DOK5: variants seen among roughly 807,000 people sequenced by gnomAD.
The protein encoded by DOK5 is docking protein 5, also known as downstream of tyrosine kinase 5.
A neutral mutation model predicts 43.3 loss-of-function variants in DOK5; 27 were observed. The ratio of observed to expected loss-of-function variants is 0.62; its 90% CI spans 0.46 to 0.86. The LOEUF (loss-of-function observed/expected upper bound fraction) is 0.86, where lower values mean the gene tolerates loss of function less well. Among genes scored for constraint, DOK5 ranks in the 40% least tolerant of loss-of-function variants. The pLI is 0.00. For synonymous variants in DOK5, 146 were observed against 140.1 expected (o/e 1.04, Z -0.30); for missense variants, 373 against 392.9 (o/e 0.95, Z 0.43).
Position 54,568,643 on chromosome 20 carries a change from G to A in DOK5, c.174+13603G>A, listed in dbSNP as rs191219508. On this transcript the variant is annotated intron_variant, in intron 2 of 7. Transcript: ENST00000262593. The stretch of plus-strand genomic sequence containing the variant: ...CATGTTTTTTGTAACAAATATAAAT[G>A]TTTCTGGCTGGGCGCAGTGGCTCAC... Among the ~76,000 whole-genome samples the A allele has an allele frequency of 4.1e-3, 623 of 152,142 alleles. 2 individuals carry two copies. Among genetic ancestry groups the A allele is most frequent in the African/African-American group, 0.015 (607 of 41,508 alleles).
intron 1 of DOK5, among the ~76,000 whole-genome samples, chr20:54,553,036 G>T (rs1316012912): frequency 1.3e-5 from 2 of 152,210 alleles, no homozygotes; most frequent in African/African-American, 4.8e-5. Flanking sequence ...AAACTTTGTA[G>T]TACATAAAAT....
chr20:54,544,405 T>C (rs1242399144), intron 1 of DOK5, among the ~76,000 whole-genome samples: 3 of 152,188 alleles, frequency 2.0e-5, no homozygotes, highest in Non-Finnish European at 4.4e-5. Flanking sequence ...TTTGTAGTCT[T>C]CAAGCACCAA....
chr20:54,624,136 C>T (rs1014081335), intron 6 of DOK5, among the ~76,000 whole-genome samples: 8 of 152,148 alleles, frequency 5.3e-5, no homozygotes, highest in African/African-American at 1.2e-4. Flanking sequence ...TCCAGAAATA[C>T]GCACAGTCAG....
chr20:54,584,410 T>C (rs933511129), intron 2 of DOK5, among the ~76,000 whole-genome samples: 1 of 151,650 alleles, frequency 6.6e-6, no homozygotes, highest in Non-Finnish European at 1.5e-5. Flanking sequence ...TATTTTAAGA[T>C]GATAACAACT....
At chr20:54,625,811 G>A (rs1222086711) in intron 6 of DOK5, among the ~76,000 whole-genome samples, 2 of 152,170 alleles carry the variant, frequency 1.3e-5, no homozygotes, top group Non-Finnish European at 2.9e-5. Context: ...GCAGATTATA[G>A]GGAATCCCCA....
At chr20:54,505,819 G>A (rs1982785002) in intron 1 of DOK5, among the ~76,000 whole-genome samples, 1 of 152,144 alleles carries the variant, frequency 6.6e-6, no homozygotes, top group Admixed American at 6.5e-5. Context: ...CTTGAGGTGA[G>A]AGTGTGTGTC....
intron 1 of DOK5, among the ~76,000 whole-genome samples, chr20:54,527,531 A>G (rs1983621097): frequency 6.6e-6 from 1 of 152,312 alleles, no homozygotes; most frequent in South Asian, 2.1e-4. Flanking sequence ...AGTTCCCACT[A>G]TGAGGGAGGT....
At position 54,584,960 on chromosome 20, in the gene DOK5, A is replaced by G. The variant is rs79501795; in HGVS notation, c.175-3523A>G. Among the ~76,000 whole-genome samples the G allele has an allele frequency of 4.3e-3, 660 of 152,296 alleles. 4 individuals are homozygous for G. Among genetic ancestry groups the G allele is most frequent in the African/African-American group, 0.015 (634 of 41,548 alleles). On this transcript the variant is annotated intron_variant, in intron 2 of 7. Coordinates refer to ENST00000262593, the MANE Select transcript of DOK5 (RefSeq NM_018431.5). ...GTTTTCTCATTTGCAAAATAGAATGATAGTGGAAATAAATACATCTTTGAA... is the reference window on the plus strand; with the variant it reads ...GTTTTCTCATTTGCAAAATAGAATGGTAGTGGAAATAAATACATCTTTGAA...
At chr20:54,648,385 A>AAAAGAAAGTTTCTATGAT in intron 7 of DOK5, among the ~76,000 whole-genome samples, 1 of 152,312 alleles carries the variant, frequency 6.6e-6, no homozygotes, top group South Asian at 2.1e-4. Context: ...GGAACAGTGG[A>AAAAGAAAGTTTCTATGAT]AAAGAAAGTT....
chr20:54,508,909 C>T (rs1175704319), intron 1 of DOK5, among the ~76,000 whole-genome samples: 1 of 151,114 alleles, frequency 6.6e-6, no homozygotes, highest in African/African-American at 2.4e-5. Context: ...CAGAGTCTCG[C>T]TGTCTCACCC....
intron 6 of DOK5, among the ~76,000 whole-genome samples, chr20:54,612,530 T>C (rs117098312): frequency 1.1e-3 from 175 of 152,296 alleles, no homozygotes; most frequent in South Asian, 5.2e-3. Context: ...TGCCCTCTGC[T>C]ATGTGAGTGG....
chr20:54,539,115 G>A (rs1249399856), intron 1 of DOK5, among the ~76,000 whole-genome samples: 3 of 151,528 alleles, frequency 2.0e-5, no homozygotes, highest in East Asian at 3.9e-4. Context: ...AGGGTGAAAC[G>A]CTGTCTCTAC....
intron 1 of DOK5, among the ~76,000 whole-genome samples, chr20:54,514,009 T>C (rs777101525): frequency 6.6e-6 from 1 of 152,230 alleles, no homozygotes; most frequent in Non-Finnish European, 1.5e-5. Context: ...AGGGATTCAA[T>C]AGCTGCACCC....
chr20:54,501,732 A>T (rs2146678787), intron 1 of DOK5, among the ~76,000 whole-genome samples: 1 of 152,316 alleles, frequency 6.6e-6, no homozygotes, highest in South Asian at 2.1e-4. Flanking sequence ...TAACTCATTT[A>T]GGTATTTCAT....
At chr20:54,627,963 A>G (rs943056460) in intron 6 of DOK5, among the ~76,000 whole-genome samples, 2 of 152,212 alleles carry the variant, frequency 1.3e-5, no homozygotes, top group African/African-American at 4.8e-5. Context: ...TACAGAAATC[A>G]TAGCATGCAC....
At chr20:54,481,856 C>G (rs1055368826) in intron 1 of DOK5, among the ~76,000 whole-genome samples, 2 of 152,190 alleles carry the variant, frequency 1.3e-5, no homozygotes, top group African/African-American at 4.8e-5. Context: ...TATGGAGACT[C>G]TTACTACTCA....
chr20:54,521,526 G>C (rs1983395930), intron 1 of DOK5, among the ~76,000 whole-genome samples: 1 of 152,154 alleles, frequency 6.6e-6, no homozygotes, highest in Non-Finnish European at 1.5e-5. Context: ...TCAGGAACAG[G>C]CATAAAAGAA....
intron 1 of DOK5, among the ~76,000 whole-genome samples, chr20:54,491,093 G>T (rs907833140): frequency 1.3e-5 from 2 of 152,190 alleles, no homozygotes; most frequent in Admixed American, 1.3e-4. Flanking sequence ...TCTCCTTCAG[G>T]TATTCTCTGT....
At chr20:54,518,586 C>T (rs977559889) in intron 1 of DOK5, among the ~76,000 whole-genome samples, 1 of 152,168 alleles carries the variant, frequency 6.6e-6, no homozygotes, top group African/African-American at 2.4e-5. Flanking sequence ...AATAAACATA[C>T]ATGTGCATGT....
Sources: gnomAD v4.1 joint callset for allele counts (sites outside exome capture counted in the v4.1 genomes callset) on GRCh38, gnomAD v4.1.1 for gene constraint, MANE v1.5 for transcripts, NCBI Gene and HGNC (gene_info 2026-07-23, HGNC 2026-07-21) for gene names.